Variants in PIK3C2A observed in about 807,000 individuals in gnomAD.
The protein encoded by PIK3C2A is phosphatidylinositol 4-phosphate 3-kinase C2 domain-containing subunit alpha.
In PIK3C2A, 97 loss-of-function variants were observed where a neutral mutation model predicts 204.5. That is an observed-to-expected ratio of 0.47 (90% confidence interval 0.40 to 0.56). The LOEUF (loss-of-function observed/expected upper bound fraction) is 0.56. Ranked by LOEUF, PIK3C2A falls within the 20% of genes least tolerant of loss-of-function variation. PIK3C2A has a pLI of 0.00. For synonymous variants in PIK3C2A, 653 were observed against 664.4 expected (o/e 0.98, Z 0.26); for missense variants, 1,735 against 1,969.2 (o/e 0.88, Z 2.25).
chr11:17,097,183 A>G lies in PIK3C2A; in HGVS notation c.4200T>C (p.Gly1400=), dbSNP rs113662142. Residue 1400 remains glycine, a synonymous_variant, in exon 27 of 33, where the codon GGT becomes GGC. Coordinates refer to ENST00000691414, the MANE Select transcript of PIK3C2A (RefSeq NM_002645.4). ...IHNLAQLRFS[G]LPSNDEPILS... ...GGATGGGCTCATCATTAGAAGGAAGACCAGAAAAACGAAGCTGAGCAAGGT... is the reference window on the plus strand; with the variant it reads ...GGATGGGCTCATCATTAGAAGGAAGGCCAGAAAAACGAAGCTGAGCAAGGT... 14,349 of 1,613,304 alleles carry G rather than the reference A, an allele frequency of 8.9e-3. 123 individuals carry two copies. The highest frequency in any genetic ancestry group is 0.022 in the Middle Eastern group (132 of 6,056).
chr11:17,117,374 T>C (rs919371044), intron 19 of PIK3C2A, 117 bp downstream of exon 19: 39 of 602,826 alleles, frequency 6.5e-5, no homozygotes, highest in African/African-American at 6.0e-4. Context: ...ATAGCATGGG[T>C]ATAGTTAGAG....
At chr11:17,156,066 T>C (rs1456329896) in intron 2 of PIK3C2A, among the ~76,000 whole-genome samples, 1 of 152,192 alleles carries the variant, frequency 6.6e-6, no homozygotes, top group African/African-American at 2.4e-5. Flanking sequence ...TGGTTTTTTA[T>C]GTAAGAGAAT....
chr11:17,155,516 A>C lies in PIK3C2A; in HGVS notation c.1169+10T>G. 6.8e-7 allele frequency: 1 copy of C among 1,475,292 alleles called. No homozygotes were observed. Among genetic ancestry groups the C allele is most frequent in the South Asian group, 1.2e-5 (1 of 80,926 alleles). The allele number at this position is 1,475,292 out of a possible 1,614,324, so 91.4% of individuals were successfully genotyped here. A position where few individuals can be genotyped will look rare whatever the true frequency, so the allele number is the denominator to read the frequency against. On this transcript the variant is annotated intron_variant, in intron 3 of 32. Coordinates refer to ENST00000691414, the MANE Select transcript of PIK3C2A (RefSeq NM_002645.4). ...TTTCAAATGAACATTTATAAAGAAA[A>C]ATTCCTTACTTTGTAATGGATCGAC... is the stretch of plus-strand genomic sequence containing the variant.
chr11:17,089,545 AG>A lies in PIK3C2A; in HGVS notation c.*192del. On this transcript the variant is annotated 3_prime_UTR_variant, in exon 33 of 33. Transcript: ENST00000691414. ...AGCAATGGCTTCCAAAAATTCAAAA[AG>A]GTTAGTTATGTGACTGTTGGTCCAA... 4.2e-6 allele frequency: 2 copies of A among 478,400 alleles called. No homozygotes were observed. The highest frequency in any genetic ancestry group is 7.8e-5 in the South Asian group (2 of 25,786). 29.6% of individuals were successfully genotyped at this position (478,400 alleles called of 1,614,324 possible). A position where few individuals can be genotyped will look rare whatever the true frequency, so the allele number is the denominator to read the frequency against.
At chr11:17,181,659 TACACACACAC>T (rs71047535) in intron 1 of PIK3C2A, among the ~76,000 whole-genome samples, 1 of 113,148 alleles carries the variant, frequency 8.8e-6, no homozygotes, top group African/African-American at 4.4e-5. Flanking sequence ...TATATATATA[TACACACACAC>T]ACACACACAC....
chr11:17,094,489 C>T (rs1463602332), intron 27 of PIK3C2A, 104 bp from the exon 28 acceptor site: 12 of 826,706 alleles, frequency 1.5e-5, no homozygotes, highest in African/African-American at 3.5e-5. Flanking sequence ...TTTGGGAGGC[C>T]GAGGTGGGTG....
At chr11:17,149,808 T>C (rs1323194554) in intron 4 of PIK3C2A, among the ~76,000 whole-genome samples, 1 of 152,136 alleles carries the variant, frequency 6.6e-6, no homozygotes, top group Non-Finnish European at 1.5e-5. Context: ...GTTTCAGATT[T>C]ATATTTTTTC....
chr11:17,194,261 G>C, intron 1 of PIK3C2A: 1 of 323,472 alleles, frequency 3.1e-6, no homozygotes, highest in Non-Finnish European at 5.8e-6. Flanking sequence ...TTCAGTTCCA[G>C]CTCAGGTTCG....
chr11:17,133,264 C>CGTGT lies in PIK3C2A; in HGVS notation c.2109-1230_2109-1227dup, dbSNP rs147571781. On this transcript the variant is annotated intron_variant, in intron 11 of 32. Transcript: ENST00000691414. Reference sequence around the variant, plus strand: ...ATATTTGTGTGTGTCTATGTACAAACGTGTGTGTGTGTGTGTGTGCCTATG... The same window carrying CGTGT: ...ATATTTGTGTGTGTCTATGTACAAACGTGTGTGTGTGTGTGTGTGTGTGCCTATG... Among the ~76,000 whole-genome samples the CGTGT allele has an allele frequency of 1.1e-4, 17 of 149,492 alleles. 1 individual carries two copies. The highest frequency in any genetic ancestry group is 3.7e-4 in the African/African-American group (15 of 40,800).
intron 22 of PIK3C2A, among the ~76,000 whole-genome samples, chr11:17,107,587 G>A (rs184536547): frequency 5.1e-4 from 78 of 152,182 alleles, no homozygotes; most frequent in African/African-American, 1.6e-3. Flanking sequence ...GAGAGAAAAC[G>A]AACATTTACT....
chr11:17,102,738 G>A lies in PIK3C2A; in HGVS notation c.3775C>T (p.Arg1259Ter), dbSNP rs751934889. ...ATGTGAAACATGTGTCCCGTGCTTC[G>A]AAGCATTATATTGTCATTGTGTCGA... ...CDRHNDNIML[R>*]STGHMFHIDF... The change falls in exon 24 of 33, where the codon CGA becomes TGA. Residue 1259 changes from arginine (R) to a stop codon, truncating the protein, a stop_gained. Transcript: ENST00000691414. LOFTEE classifies it high-confidence loss of function. 12 of 1,613,480 alleles carry A rather than the reference G, an allele frequency of 7.4e-6. No individual in the cohort carries two copies. The highest frequency in any genetic ancestry group is 2.2e-5 in the East Asian group (1 of 44,860).
At chr11:17,180,059 T>C (rs1356182944) in intron 1 of PIK3C2A, among the ~76,000 whole-genome samples, 1 of 152,182 alleles carries the variant, frequency 6.6e-6, no homozygotes, top group Admixed American at 6.5e-5. Context: ...ATAACTTTTG[T>C]TTGGCAAAAA....
intron 1 of PIK3C2A, among the ~76,000 whole-genome samples, chr11:17,205,404 G>A (rs1488312611): frequency 1.3e-5 from 2 of 149,698 alleles, no homozygotes; most frequent in African/African-American, 4.9e-5. Flanking sequence ...AACCCGGCAG[G>A]TGGAGGTTGC....
chr11:17,101,593 TTTTC>T (rs1451177579), intron 24 of PIK3C2A, among the ~76,000 whole-genome samples, 159 bp from the exon 25 acceptor site: 1 of 151,338 alleles, frequency 6.6e-6, no homozygotes, highest in Admixed American at 6.6e-5. Flanking sequence ...AAAATAACAT[TTTTC>T]TTTTTTTTTC....
intron 1 of PIK3C2A, among the ~76,000 whole-genome samples, chr11:17,181,763 TA>T (rs941896067): frequency 3.0e-4 from 46 of 151,776 alleles, no homozygotes; most frequent in African/African-American, 1.0e-3. Flanking sequence ...TAAGAATGCT[TA>T]CATTATGGCA....
chr11:17,170,739 T>G (rs1851128468), intron 1 of PIK3C2A, among the ~76,000 whole-genome samples: 1 of 152,158 alleles, frequency 6.6e-6, no homozygotes, highest in South Asian at 2.1e-4. Flanking sequence ...ACCGAGCACA[T>G]TTCCTGCTTC....
At chr11:17,163,085 C>T (rs1224644547) in intron 2 of PIK3C2A, among the ~76,000 whole-genome samples, 1 of 152,126 alleles carries the variant, frequency 6.6e-6, no homozygotes, top group Non-Finnish European at 1.5e-5. Context: ...GCGGGTGGAT[C>T]ACTTGAGGTC....
In PIK3C2A at chr11:17,169,516, T is replaced by A. The variant is rs745673763; in HGVS notation, c.226A>T (p.Met76Leu). The change falls in exon 2 of 33, where the codon ATG becomes TTG. Residue 76 changes from methionine to leucine, a missense_variant. Around this residue, in one of 6 missense-constraint regions of PIK3C2A, gnomAD observed 536 missense variants for 546.7 expected, o/e 0.98. Coordinates refer to ENST00000691414, the MANE Select transcript of PIK3C2A (RefSeq NM_002645.4). The stretch of plus-strand genomic sequence containing the variant: ...TGGGAATCTGATTCAGGAAACACCA[T>A]GAGATCATAATCCTGCTTGTTATAA... Reference protein sequence around the residue: ...QVYNKQDYDLMVFPESDSQKR... With the variant: ...QVYNKQDYDLLVFPESDSQKR... 30 of 1,596,716 alleles carry A rather than the reference T, an allele frequency of 1.9e-5. No individual in the cohort carries two copies. The highest frequency in any genetic ancestry group is 2.4e-5 in the Non-Finnish European group (28 of 1,164,808).
At chr11:17,117,728 T>C in intron 18 of PIK3C2A, 57 bp from the exon 19 acceptor site, 1 of 1,134,594 alleles carries the variant, frequency 8.8e-7, no homozygotes, top group Admixed American at 2.4e-5. Flanking sequence ...TTTTTTTTTT[T>C]TTTTGAGACG....
Sources: allele counts gnomAD v4.1 joint callset (sites outside exome capture counted in the v4.1 genomes callset), GRCh38; gene constraint gnomAD v4.1.1; regional missense constraint gnomAD v4.1.1; transcripts MANE v1.5; gene names NCBI Gene and HGNC (gene_info 2026-07-23, HGNC 2026-07-21).